The following CSMD1 variants were observed in gnomAD, a reference collection of about 807,000 sequenced individuals.
The protein encoded by CSMD1 is CUB and sushi domain-containing protein 1.
Under a neutral mutation model 417.5 loss-of-function variants are expected in CSMD1, and 213 were observed. That is an observed-to-expected ratio of 0.51 (90% confidence interval 0.46 to 0.57). The LOEUF (loss-of-function observed/expected upper bound fraction) is 0.57, where lower values mean the gene tolerates loss of function less well. Among genes scored for constraint, CSMD1 ranks in the 20% least tolerant of loss-of-function variants. The probability of loss-of-function intolerance (pLI) is 0.00; values close to 1 mark genes in which losing one functional copy is unlikely to be tolerated. For missense variants in CSMD1, 6,923 were observed against 4,529.7 expected (o/e 1.53, Z -15.17); for synonymous variants, 2,862 against 1,736.8 (o/e 1.65, Z -16.11).
chr8:4,103,415 C>T (rs1801406232), intron 3 of CSMD1, among the ~76,000 whole-genome samples: 2 of 151,234 alleles, frequency 1.3e-5, no homozygotes, highest in African/African-American at 4.8e-5. Context: ...CTTTTCTAAA[C>T]CTTGGCTTTT....
intron 7 of CSMD1, among the ~76,000 whole-genome samples, chr8:3,689,586 G>T (rs372097516): frequency 2.0e-4 from 31 of 152,274 alleles, no homozygotes; most frequent in African/African-American, 7.5e-4. Flanking sequence ...GGACAGTTCA[G>T]TTCACTCTTA....
chr8:4,064,044 G>C (rs73185991), intron 3 of CSMD1, among the ~76,000 whole-genome samples: 1 of 152,210 alleles, frequency 6.6e-6, no homozygotes, highest in Admixed American at 6.5e-5. Flanking sequence ...CCAGCTGAGA[G>C]TGAGGGCTCC....
intron 2 of CSMD1, among the ~76,000 whole-genome samples, chr8:4,562,971 A>G (rs1283953500): frequency 6.6e-6 from 1 of 152,160 alleles, no homozygotes; most frequent in African/African-American, 2.4e-5. Context: ...GGTAAGCAAA[A>G]TCTATCCTGT....
At chr8:3,478,923 C>T (rs1468361167) in intron 11 of CSMD1, among the ~76,000 whole-genome samples, 3 of 152,102 alleles carry the variant, frequency 2.0e-5, no homozygotes, top group African/African-American at 4.8e-5. Context: ...CACCCAGACA[C>T]AGCGGTAGAG....
At chr8:3,067,870 C>T (rs1813048088) in intron 49 of CSMD1, among the ~76,000 whole-genome samples, 1 of 151,978 alleles carries the variant, frequency 6.6e-6, no homozygotes, top group African/African-American at 2.4e-5. Flanking sequence ...TTATTACCCT[C>T]CATTTTCAGG....
intron 1 of CSMD1, among the ~76,000 whole-genome samples, chr8:4,730,499 G>C (rs12679229): frequency 0.33 from 50,661 of 152,070 alleles, 9,543 homozygotes; most frequent in Admixed American, 0.45. Flanking sequence ...CCAGCACTTT[G>C]GGAGGCTGAG....
intron 2 of CSMD1, among the ~76,000 whole-genome samples, chr8:4,523,771 T>C (rs1431459178): frequency 6.6e-6 from 1 of 152,200 alleles, no homozygotes; most frequent in African/African-American, 2.4e-5. Flanking sequence ...TAAAATAACA[T>C]AATTGTATGC....
chr8:3,316,424 G>A (rs550441731), intron 23 of CSMD1, among the ~76,000 whole-genome samples: 1 of 152,264 alleles, frequency 6.6e-6, no homozygotes, highest in Non-Finnish European at 1.5e-5. Flanking sequence ...ATGACAGATA[G>A]GAAATAAATA....
At chr8:3,297,260 C>G (rs767227468) in intron 25 of CSMD1, among the ~76,000 whole-genome samples, 1 of 152,108 alleles carries the variant, frequency 6.6e-6, no homozygotes, top group Admixed American at 6.6e-5. Context: ...CCAGAATGAT[C>G]TATTGATGTC....
chr8:3,794,035 C>T (rs1799900079), intron 5 of CSMD1, among the ~76,000 whole-genome samples: 1 of 152,172 alleles, frequency 6.6e-6, no homozygotes, highest in African/African-American at 2.4e-5. Flanking sequence ...GAAAGACTTG[C>T]TACTCAAATG....
chr8:3,469,029 T>C (rs942355146), intron 11 of CSMD1: 3 of 407,200 alleles, frequency 7.4e-6, no homozygotes, highest in Non-Finnish European at 1.3e-5. Context: ...ATTACTCTAT[T>C]CTATGGCTGC....
At chr8:3,394,014 ATAT>A (rs1585098799) in intron 17 of CSMD1, among the ~76,000 whole-genome samples, 2 of 25,354 alleles carry the variant, frequency 7.9e-5, no homozygotes, top group East Asian at 2.2e-3. Context: ...AAAATAAATT[ATAT>A]ATATATATAT....
At chr8:3,715,987 C>T (rs1042053653) in intron 6 of CSMD1, among the ~76,000 whole-genome samples, 8 of 152,226 alleles carry the variant, frequency 5.3e-5, no homozygotes, top group Non-Finnish European at 1.0e-4. Context: ...TGCATCTCTT[C>T]CCATTCTCTC....
chr8:4,045,755 A>G (rs1197224477), intron 3 of CSMD1, among the ~76,000 whole-genome samples: 1 of 152,224 alleles, frequency 6.6e-6, no homozygotes, highest in African/African-American at 2.4e-5. Flanking sequence ...GAACTGTGAA[A>G]CACAAAGACT....
At chr8:3,367,301 G>A (rs959599006) in intron 19 of CSMD1, 54 bp from the exon 20 acceptor site, 39 of 1,259,894 alleles carry the variant, frequency 3.1e-5, no homozygotes, top group African/African-American at 6.0e-5. Context: ...CACACGGGGC[G>A]GCGGGGGCAG....
intron 1 of CSMD1, among the ~76,000 whole-genome samples, chr8:4,959,523 T>A (rs1213557816): frequency 6.6e-6 from 1 of 152,204 alleles, no homozygotes; most frequent in African/African-American, 2.4e-5. Context: ...TCCAACAACT[T>A]CCAGCTGCTC....
In CSMD1 at chr8:4,653,796, G is replaced by A. The variant is rs187460795; in HGVS notation, c.86-16238C>T. On this transcript the variant is annotated intron_variant, in intron 1 of 69. Coordinates refer to ENST00000635120, the MANE Select transcript of CSMD1 (RefSeq NM_033225.6). Reference sequence around the variant, plus strand: ...AGTAGATATTATTTTGAATTTGAAGGGAGGCATTTGCAAATAACTAATCTT... The same window carrying A: ...AGTAGATATTATTTTGAATTTGAAGAGAGGCATTTGCAAATAACTAATCTT... Among the ~76,000 whole-genome samples, 35 of 152,164 alleles carry A rather than the reference G, an allele frequency of 2.3e-4. 1 individual carries two copies. The East Asian group carries it at 6.6e-3, about 28-fold the overall frequency.
intron 11 of CSMD1, among the ~76,000 whole-genome samples, chr8:3,490,113 T>C (rs1008643432): frequency 3.3e-5 from 5 of 152,240 alleles, no homozygotes; most frequent in African/African-American, 1.2e-4. Context: ...TGTGATTCTC[T>C]GTGTTCGGTT....
chr8:4,145,924 C>T (rs1185537826), intron 3 of CSMD1, among the ~76,000 whole-genome samples: 1 of 150,968 alleles, frequency 6.6e-6, no homozygotes, highest in Non-Finnish European at 1.5e-5. Flanking sequence ...TGATTGGCCC[C>T]ATTGTTTGTA....
Sources: allele counts gnomAD v4.1 joint callset (sites outside exome capture counted in the v4.1 genomes callset), GRCh38; gene constraint gnomAD v4.1.1; transcripts MANE v1.5; gene names NCBI Gene and HGNC (gene_info 2026-07-23, HGNC 2026-07-21).